The following CNGB3 variants were observed in gnomAD, a reference collection of about 807,000 sequenced individuals.
The protein encoded by CNGB3 is cyclic nucleotide-gated channel beta-3.
CNGB3 carries 86 observed loss-of-function variants against 92.8 expected under a neutral mutation model. The ratio of observed to expected loss-of-function variants is 0.93; its 90% CI spans 0.78 to 1.11. The LOEUF is 1.11. CNGB3 is among the 50% of genes least tolerant of loss of function. The probability of loss-of-function intolerance (pLI) is 0.00; values close to 1 mark genes in which losing one functional copy is unlikely to be tolerated. For missense variants in CNGB3, 1,026 were observed against 956.8 expected (o/e 1.07, Z -0.95); for synonymous variants, 333 against 332.7 (o/e 1.00, Z -0.01).
chr8:86,643,097 T>TACAC (rs3077207), intron 10 of CNGB3, among the ~76,000 whole-genome samples: 7,628 of 149,076 alleles, frequency 0.051, 252 homozygotes, highest in South Asian at 0.1. Context: ...CAACTCAGGA[T>TACAC]ACACACACAC....
chr8:86,601,898 A>C (rs952926099), intron 15 of CNGB3, among the ~76,000 whole-genome samples: 20 of 152,224 alleles, frequency 1.3e-4, no homozygotes, highest in African/African-American at 4.8e-4. Context: ...CAAATGGGTA[A>C]TAGGAGATTT....
At chr8:86,661,500 G>T in intron 6 of CNGB3, 3 of 641,616 alleles carry the variant, frequency 4.7e-6, no homozygotes, top group South Asian at 4.3e-5. Flanking sequence ...AACTTGCACT[G>T]ACCCAAACAC....
chr8:86,634,479 A>T (rs1055944516), intron 10 of CNGB3, among the ~76,000 whole-genome samples: 8 of 152,164 alleles, frequency 5.3e-5, no homozygotes, highest in African/African-American at 1.9e-4. Flanking sequence ...ACATCTGTAT[A>T]TATATTTCAT....
At chr8:86,690,715 C>T (rs1351562641) in intron 3 of CNGB3, among the ~76,000 whole-genome samples, 1 of 151,622 alleles carries the variant, frequency 6.6e-6, no homozygotes, top group Non-Finnish European at 1.5e-5. Flanking sequence ...GACTTTAATC[C>T]ATCTTGAATT....
At chr8:86,652,533 A>T (rs951000012) in intron 7 of CNGB3, among the ~76,000 whole-genome samples, 1 of 152,006 alleles carries the variant, frequency 6.6e-6, no homozygotes, top group Admixed American at 6.6e-5. Flanking sequence ...ATACAAAAGT[A>T]TTTTCATTAT....
At chr8:86,726,901 T>G (rs1825069669) in intron 2 of CNGB3, among the ~76,000 whole-genome samples, 2 of 152,074 alleles carry the variant, frequency 1.3e-5, no homozygotes, top group Non-Finnish European at 2.9e-5. Context: ...TTCTGAAAAA[T>G]GCATTGTTAG....
intron 1 of CNGB3, among the ~76,000 whole-genome samples, chr8:86,739,990 A>G (rs975593794): frequency 1.9e-4 from 29 of 152,048 alleles, no homozygotes; most frequent in East Asian, 3.9e-4. Context: ...CATTCCTTCA[A>G]TTGTGGTCTT....
intron 15 of CNGB3, among the ~76,000 whole-genome samples, chr8:86,598,715 C>T (rs2131554129): frequency 6.6e-6 from 1 of 152,312 alleles, no homozygotes; most frequent in Admixed American, 6.5e-5. Flanking sequence ...CCTCAGTCTT[C>T]ACATGGTCTT....
intron 3 of CNGB3, among the ~76,000 whole-genome samples, chr8:86,672,730 A>G (rs1288820314): frequency 6.6e-6 from 1 of 152,150 alleles, no homozygotes; most frequent in Non-Finnish European, 1.5e-5. Context: ...GCCCACAGAT[A>G]TATTACATCT....
At chr8:86,658,104 C>G in intron 6 of CNGB3, 1 of 528,122 alleles carries the variant, frequency 1.9e-6, no homozygotes, top group Admixed American at 2.4e-5. Flanking sequence ...CCTCCCCACA[C>G]ACAGAATCGC....
intron 13 of CNGB3, among the ~76,000 whole-genome samples, chr8:86,614,550 T>C (rs1170988779): frequency 6.6e-6 from 1 of 152,194 alleles, no homozygotes; most frequent in Admixed American, 6.5e-5. Context: ...ATGAAAATGC[T>C]TCTATTACTT....
At chr8:86,715,566 T>C (rs1309380300) in intron 3 of CNGB3, among the ~76,000 whole-genome samples, 1 of 152,022 alleles carries the variant, frequency 6.6e-6, no homozygotes, top group African/African-American at 2.4e-5. Flanking sequence ...ATCCCAGATC[T>C]TCCCTCTGAA....
chr8:86,672,359 A>G (rs1397705714), intron 3 of CNGB3, among the ~76,000 whole-genome samples: 2 of 152,172 alleles, frequency 1.3e-5, no homozygotes, highest in Non-Finnish European at 2.9e-5. Flanking sequence ...CTGGCCTCCC[A>G]AAGTGCTAGG....
chr8:86,703,169 T>C (rs1042377276), intron 3 of CNGB3, among the ~76,000 whole-genome samples: 5 of 152,168 alleles, frequency 3.3e-5, no homozygotes, highest in African/African-American at 1.2e-4. Context: ...GTGCTTTTTC[T>C]GTTAATTAGA....
At position 86,632,815 on chromosome 8, in the gene CNGB3, T is replaced by A; in HGVS notation, c.1257A>T (p.Glu419Asp). The change falls in exon 11 of 18, where the codon GAA (glutamate) becomes GAT (aspartate). Residue 419 changes from glutamate to aspartate, a missense_variant. Physicochemically the swap from Glu to Asp is conservative, Grantham distance 45. Transcript: ENST00000320005. ...GGLPEPQTLF[E>D]IVFQLLNFFS... ...AAAAATTCAAGAGTTGAAAAACAAT[T>A]TCAAATAAAGTTTGTGGTTCTGGAA... The A allele has an allele frequency of 6.2e-7, 1 of 1,612,984 alleles. No individual in the cohort carries two copies. Among genetic ancestry groups the A allele is most frequent in the Non-Finnish European group, 8.5e-7 (1 of 1,179,826 alleles).
chr8:86,580,124 AAGGAAGTGCC>A (rs766474229), intron 15 of CNGB3, among the ~76,000 whole-genome samples: 17 of 150,342 alleles, frequency 1.1e-4, no homozygotes, highest in Non-Finnish European at 2.4e-4. Flanking sequence ...GACAGAGAGC[AAGGAAGTGCC>A]ACACTTTAAA....
intron 3 of CNGB3, among the ~76,000 whole-genome samples, chr8:86,694,119 C>T (rs1215837810): frequency 2.7e-3 from 262 of 98,000 alleles, no homozygotes; most frequent in Non-Finnish European, 2.8e-3. Flanking sequence ...GCTGGCCGGG[C>T]GGGGGGCTGA....
At chr8:86,583,018 C>G (rs939008497) in intron 15 of CNGB3, among the ~76,000 whole-genome samples, 7 of 131,554 alleles carry the variant, frequency 5.3e-5, no homozygotes, top group African/African-American at 2.1e-4. Flanking sequence ...TTACTGCAAC[C>G]TCTGCTTCCT....
intron 3 of CNGB3, among the ~76,000 whole-genome samples, chr8:86,714,199 G>A (rs1353022021): frequency 6.6e-6 from 1 of 152,012 alleles, no homozygotes; most frequent in Non-Finnish European, 1.5e-5. Context: ...CCAGCCCCAG[G>A]CAACCACTGT....
Sources: allele counts gnomAD v4.1 joint callset (sites outside exome capture counted in the v4.1 genomes callset), GRCh38; gene constraint gnomAD v4.1.1; transcripts MANE v1.5; gene names NCBI Gene and HGNC (gene_info 2026-07-23, HGNC 2026-07-21).